Variants in RASGRP2 observed in about 807,000 individuals in gnomAD.
The protein encoded by RASGRP2 is RAS guanyl releasing protein 2.
RASGRP2 carries 44 observed loss-of-function variants against 71.0 expected under a neutral mutation model. The ratio of observed to expected loss-of-function variants is 0.62; its 90% CI spans 0.49 to 0.80. RASGRP2 has a LOEUF of 0.80. RASGRP2 is among the 30% of genes least tolerant of loss of function. RASGRP2 has a pLI of 0.00. For missense variants in RASGRP2, 663 were observed against 813.4 expected (o/e 0.82, Z 2.25); for synonymous variants, 350 against 330.7 (o/e 1.06, Z -0.63).
chr11:64,729,870 G>A lies in RASGRP2; in HGVS notation c.1555-72C>T. 1.3e-6 allele frequency: 2 copies of A among 1,595,954 alleles called. 1 individual carries two copies. Among genetic ancestry groups the A allele is most frequent in the South Asian group, 2.2e-5 (2 of 90,656 alleles). ...TGACTCTACTTCTTCCTTCTTGAGG[G>A]TGAGACTAGGGCTTTAGAGCCCGCC... is the stretch of plus-strand genomic sequence containing the variant. On this transcript the variant is annotated intron_variant, in intron 13 of 16. Transcript: ENST00000394432.
intron 8 of RASGRP2, 117 bp from the exon 9 acceptor site, chr11:64,737,151 C>T (rs913803651): frequency 7.8e-7 from 1 of 1,275,406 alleles, no homozygotes; most frequent in Non-Finnish European, 1.1e-6. Context: ...AGAGTAAAAA[C>T]CTCCCTTACT....
Position 64,743,801 on chromosome 11 carries a change from G to A in RASGRP2, c.-72+202C>T. 4.1e-6 allele frequency: 1 copy of A among 241,136 alleles called. No individual in the cohort carries two copies. The highest frequency in any genetic ancestry group is 8.0e-6 in the Non-Finnish European group (1 of 125,258). 14.9% of individuals were successfully genotyped at this position (241,136 alleles called of 1,614,324 possible). A position where few individuals can be genotyped will look rare whatever the true frequency, so the allele number is the denominator to read the frequency against. ...ACACCATTAGCAACTCCGGTCACTGGCGGGGTCATACGCACCCTGGCAGGG... is the reference window on the plus strand; with the variant it reads ...ACACCATTAGCAACTCCGGTCACTGACGGGGTCATACGCACCCTGGCAGGG... On this transcript the variant is annotated intron_variant, in intron 1 of 16. Coordinates refer to ENST00000394432, the MANE Select transcript of RASGRP2 (RefSeq NM_001098671.2). This position sits in a 1 kb window ranked among gnomAD's most constrained non-coding sequence, Gnocchi z 4.9.
chr11:64,744,314 C>T (rs2058238207), upstream of RASGRP2: 2 of 985,290 alleles, frequency 2.0e-6, no homozygotes, highest in South Asian at 9.4e-5. Context: ...AAAGGTACCC[C>T]GGCCCTACAC....
Position 64,742,878 on chromosome 11 carries a change from CG to C in RASGRP2, c.-13del. ...AGGGTGCCTGCCATGGCCGCCGGCG[CG>C]GGGTGGGCTGGGCCCAGGCTGCGCT... On this transcript the variant is annotated 5_prime_UTR_variant, in exon 2 of 17. Coordinates refer to ENST00000394432, the MANE Select transcript of RASGRP2 (RefSeq NM_001098671.2). This position sits in a 1 kb window ranked among gnomAD's most constrained non-coding sequence, Gnocchi z 4.7. 1 of 1,581,916 alleles carries C rather than the reference CG, an allele frequency of 6.3e-7. No individual in the cohort carries two copies. Among genetic ancestry groups the C allele is most frequent in the Non-Finnish European group, 8.6e-7 (1 of 1,167,694 alleles).
At position 64,727,425 on chromosome 11, in the gene RASGRP2, C is replaced by G. The variant is rs1343552504; in HGVS notation, c.1772-65G>C. On this transcript the variant is annotated intron_variant, in intron 15 of 16. Coordinates refer to ENST00000394432, the MANE Select transcript of RASGRP2 (RefSeq NM_001098671.2). ...CCCTGGGACTTCATCAACCCTTCCCCTCTCCACGGGAGGCATCCACATCAT... is the reference window on the plus strand; with the variant it reads ...CCCTGGGACTTCATCAACCCTTCCCGTCTCCACGGGAGGCATCCACATCAT... 5 of 1,503,718 alleles carry G rather than the reference C, an allele frequency of 3.3e-6. No homozygotes were observed. In the East Asian group the frequency reaches 1.1e-4, roughly 34 times the overall value. 93.1% of individuals were successfully genotyped at this position (1,503,718 alleles called of 1,614,324 possible).
chr11:64,741,000 G>T lies in RASGRP2; in HGVS notation c.319C>A (p.Leu107Ile), dbSNP rs556398819. ...TGCCGTCGGTTCCCTTCTTGGTCTA[G>T]CAGAGCCTTCAGCTCCTTGATCTGC... ...AEQIKELKAL[L>I]DQEGNRRHSS... The change falls in exon 5 of 17, where the codon CTA becomes ATA. Residue 107 changes from leucine to isoleucine, a missense_variant. Leu to Ile is a conservative substitution (Grantham distance 5). Transcript: ENST00000394432. 1.5e-5 allele frequency: 25 copies of T among 1,613,840 alleles called. No individual in the cohort carries two copies. The Admixed American group carries it at 3.8e-4, about 25-fold the overall frequency.
intron 9 of RASGRP2, 82 bp from the exon 10 acceptor site, chr11:64,736,062 A>C: frequency 9.4e-7 from 1 of 1,068,964 alleles, no homozygotes; most frequent in Non-Finnish European, 1.4e-6. Context: ...CCTAGAGGCC[A>C]CAGCTCAGCT....
At chr11:64,729,194 C>A in intron 14 of RASGRP2, 152 bp from the exon 15 acceptor site, 1 of 798,718 alleles carries the variant, frequency 1.3e-6, no homozygotes, top group Non-Finnish European at 2.1e-6. Flanking sequence ...TTCTCCTCCT[C>A]CTAATTGTCA....
At chr11:64,731,078 C>T (rs2057750111) in intron 12 of RASGRP2, among the ~76,000 whole-genome samples, 1 of 152,126 alleles carries the variant, frequency 6.6e-6, no homozygotes, top group Non-Finnish European at 1.5e-5. Context: ...AATATAGGGC[C>T]GAGCACAGTG....
Position 64,735,295 on chromosome 11 carries a change from C to T in RASGRP2, c.1297-68G>A. ...GTAAAGGGGACATCAGGTCCTGTCC[C>T]TTCCCACGTTCCCAGTCCATTTGAT... On this transcript the variant is annotated intron_variant, in intron 11 of 16. Coordinates refer to ENST00000394432, the MANE Select transcript of RASGRP2 (RefSeq NM_001098671.2). The surrounding 1 kb of genome is among the most constrained non-coding windows in gnomAD (Gnocchi z 4.2). 1 of 1,372,212 alleles carries T rather than the reference C, an allele frequency of 7.3e-7. No homozygotes were observed. Among genetic ancestry groups the T allele is most frequent in the Non-Finnish European group, 1.0e-6 (1 of 964,182 alleles). The allele number at this position is 1,372,212 out of a possible 1,614,324, so 85.0% of individuals were successfully genotyped here. A position where few individuals can be genotyped will look rare whatever the true frequency, so the allele number is the denominator to read the frequency against.
rs1470142143 is a variant in RASGRP2, at chr11:64,728,738, C to T, written c.1771+125G>A. On this transcript the variant is annotated intron_variant, in intron 15 of 16. Coordinates refer to ENST00000394432, the MANE Select transcript of RASGRP2 (RefSeq NM_001098671.2). ...GTGAGCCACCGCGCCCGGCCTGTCC[C>T]TTCTTTATTATCCCACCACAAAAAG... 5 of 1,139,602 alleles carry T rather than the reference C, an allele frequency of 4.4e-6. No individual in the cohort carries two copies. The African/African-American group carries it at 6.3e-5, about 14-fold the overall frequency. 70.6% of individuals were successfully genotyped at this position (1,139,602 alleles called of 1,614,324 possible).
Position 64,742,711 on chromosome 11 carries a change from C to T in RASGRP2, c.73+83G>A, listed in dbSNP as rs1173359349. 9 of 1,539,682 alleles carry T rather than the reference C, an allele frequency of 5.8e-6. No homozygotes were observed. The highest frequency in any genetic ancestry group is 7.9e-6 in the Non-Finnish European group (9 of 1,138,166). ...GGGTGGGTCCGGGTCAGGGCTGTGC[C>T]CTGGACTGTGCCTGGGAGGCAGGGA... On this transcript the variant is annotated intron_variant, in intron 2 of 16. Transcript: ENST00000394432. The surrounding 1 kb of genome is among the most constrained non-coding windows in gnomAD (Gnocchi z 4.7).
intron 15 of RASGRP2, among the ~76,000 whole-genome samples, chr11:64,727,812 C>T (rs2267918): frequency 0.76 from 115,206 of 152,074 alleles, 46,050 homozygotes; most frequent in Non-Finnish European, 0.9. Context: ...CCACCATGCC[C>T]GGCCTCAGCC....
Position 64,739,671 on chromosome 11 carries a change from C to A in RASGRP2, c.661G>T (p.Ala221Ser), listed in dbSNP as rs2058056961. 2 of 1,613,958 alleles carry A rather than the reference C, an allele frequency of 1.2e-6. No homozygotes were observed. The highest frequency in any genetic ancestry group is 2.7e-5 in the African/African-American group (2 of 75,022). Residue 221 changes from alanine (A) to serine (S), a missense_variant, in exon 7 of 17, where the codon GCC (alanine) becomes TCC (serine). By Grantham distance (99) the Ala-to-Ser change is moderately conservative. Coordinates refer to ENST00000394432, the MANE Select transcript of RASGRP2 (RefSeq NM_001098671.2). The surrounding 1 kb of genome is among the most constrained non-coding windows in gnomAD (Gnocchi z 4.2). ...TGGACAAAGTGTGTGATGACCAGGG[C>A]CCGCTGCGGGGCTGTGGGTTTGCTG... Reference protein sequence around the residue: ...ILSKPTAPQRALVITHFVHVA... With the variant: ...ILSKPTAPQRSLVITHFVHVA...
rs375889985 is a variant in RASGRP2 at position 64,728,874 on chromosome 11, G to C, written c.1760C>G (p.Ser587Cys). The C allele has an allele frequency of 1.9e-6, 3 of 1,611,162 alleles. No individual in the cohort carries two copies. In the East Asian group the frequency reaches 6.7e-5, roughly 36 times the overall value. Reference sequence around the variant, plus strand: ...TGACTCCCTCTTACCTGGAGGCCTGGAGCCTCGCCTGCCAGGGCGGGGCAG... The same window carrying C: ...TGACTCCCTCTTACCTGGAGGCCTGCAGCCTCGCCTGCCAGGGCGGGGCAG... ...FSLPRPGRRG[S>C]RPPEIREEEV... The change falls in exon 15 of 17, where the codon TCC becomes TGC. Residue 587 changes from serine to cysteine, a missense_variant. By Grantham distance (112) the Ser-to-Cys change is moderately radical. Transcript: ENST00000394432.
At chr11:64,734,428 C>T (rs1044858720) in intron 12 of RASGRP2, among the ~76,000 whole-genome samples, 1 of 152,056 alleles carries the variant, frequency 6.6e-6, no homozygotes, top group Admixed American at 6.6e-5. Context: ...GCTAGGATTA[C>T]AGGCGTGAGG....
Position 64,735,617 on chromosome 11 carries a change from C to T in RASGRP2, c.1221G>A (p.Leu407=), listed in dbSNP as rs1342185820. Residue 407 remains leucine (L), a synonymous_variant, in exon 11 of 17, where the codon CTG becomes CTA. Coordinates refer to ENST00000394432, the MANE Select transcript of RASGRP2 (RefSeq NM_001098671.2). The surrounding 1 kb of genome is among the most constrained non-coding windows in gnomAD (Gnocchi z 4.2). ...GTTTGGCAGCCGAGGTCCACTCCTC[C>T]AGTACCGGGGGCCGGGGTGGTGGGG... ...SCTPPPRPPV[L]EEWTSAAKPK... is the part of the protein sequence containing the mutation. 1.9e-6 allele frequency: 3 copies of T among 1,614,036 alleles called. No individual in the cohort carries two copies. The highest frequency in any genetic ancestry group is 3.3e-5 in the Admixed American group (2 of 60,018).
Position 64,735,936 on chromosome 11 carries a change from C to G in RASGRP2, c.1140G>C (p.Leu380=), listed in dbSNP as rs753596335. 1 of 1,614,048 alleles carries G rather than the reference C, an allele frequency of 6.2e-7. No individual in the cohort carries two copies. Among genetic ancestry groups the G allele is most frequent in the African/African-American group, 1.3e-5 (1 of 75,008 alleles). ...QYQTEDELYQ[L]SLQREPRSKS... ...TGGAGCGCGGCTCCCGCTGCAGGGA[C>G]AGCTGGTACAGCTCATCCTCCGTCT... The change falls in exon 10 of 17, where the codon CTG becomes CTC. Residue 380 remains leucine, a synonymous_variant. Coordinates refer to ENST00000394432, the MANE Select transcript of RASGRP2 (RefSeq NM_001098671.2). This position sits in a 1 kb window ranked among gnomAD's most constrained non-coding sequence, Gnocchi z 4.2.
chr11:64,729,132 CCTTT>C, intron 14 of RASGRP2, 90 bp from the exon 15 acceptor site: 3 of 1,338,910 alleles, frequency 2.2e-6, no homozygotes, highest in South Asian at 1.3e-5. Context: ...CTACCAGGAA[CCTTT>C]GTTCCTGAGC....
Sources: gnomAD v4.1 joint callset for allele counts (sites outside exome capture counted in the v4.1 genomes callset) on GRCh38, gnomAD v4.1.1 for gene constraint, Gnocchi (gnomAD v3.1) non-coding constraint, MANE v1.5 for transcripts, NCBI Gene and HGNC (gene_info 2026-07-23, HGNC 2026-07-21) for gene names.